Variants in KHDRBS2 observed in about 807,000 individuals in gnomAD.
KHDRBS2 encodes KH RNA binding domain containing, signal transduction associated 2, also known as KH domain-containing, RNA-binding, signal transduction-associated protein 2.
A neutral mutation model predicts 44.3 loss-of-function variants in KHDRBS2; 26 were observed. The ratio of observed to expected loss-of-function variants is 0.59; its 90% CI spans 0.43 to 0.81. The LOEUF (loss-of-function observed/expected upper bound fraction) is 0.81. Ranked by LOEUF, KHDRBS2 falls within the 40% of genes least tolerant of loss-of-function variation. The pLI is 0.00. For missense variants in KHDRBS2, 476 were observed against 433.1 expected, an observed-to-expected ratio of 1.10 and a Z score of -0.88; for synonymous variants, 194 against 151.1, an observed-to-expected ratio of 1.28 and a Z score of -2.08.
At chr6:61,952,552 T>G (rs774395045) in intron 4 of KHDRBS2, among the ~76,000 whole-genome samples, 3 of 152,074 alleles carry the variant, frequency 2.0e-5, no homozygotes, top group Non-Finnish European at 4.4e-5. Flanking sequence ...GCAATCATTT[T>G]CAATGGCCAA....
the KHDRBS2 span, among the ~76,000 whole-genome samples, chr6:61,564,574 T>A: frequency 1.3e-5 from 2 of 151,992 alleles, no homozygotes; most frequent in African/African-American, 2.4e-5. Context: ...AGCATAAATG[T>A]AAAGTTGAGG....
the KHDRBS2 span, among the ~76,000 whole-genome samples, chr6:61,563,999 T>A: frequency 6.6e-6 from 1 of 152,104 alleles, no homozygotes; most frequent in Non-Finnish European, 1.5e-5. Context: ...TTAGTTTTCA[T>A]GTAATACTCA....
chr6:61,966,536 TCTC>T (rs760427506), intron 4 of KHDRBS2, among the ~76,000 whole-genome samples: 6 of 151,936 alleles, frequency 3.9e-5, no homozygotes, highest in Non-Finnish European at 8.8e-5. Context: ...AGAGGTTTCT[TCTC>T]ATTTTGAAAG....
At chr6:62,171,355 T>C (rs1377848539) in intron 2 of KHDRBS2, among the ~76,000 whole-genome samples, 3 of 151,742 alleles carry the variant, frequency 2.0e-5, no homozygotes, top group East Asian at 1.9e-4. Flanking sequence ...ACACTGGTTG[T>C]CCAAATCCAC....
At chr6:61,945,108 AAAAAGT>A (rs1812984950) in intron 4 of KHDRBS2, among the ~76,000 whole-genome samples, 3 of 54,994 alleles carry the variant, frequency 5.5e-5, no homozygotes, top group Non-Finnish European at 9.1e-5. Context: ...AAAAAAAAAA[AAAAAGT>A]ATATATATAT....
chr6:61,650,671 T>G, the KHDRBS2 span, among the ~76,000 whole-genome samples: 5 of 152,042 alleles, frequency 3.3e-5, no homozygotes, highest in Middle Eastern at 0.014. Context: ...AGCCCTTGAA[T>G]GAACACATTT....
At chr6:61,810,423 C>T (rs1787935413) in intron 6 of KHDRBS2, among the ~76,000 whole-genome samples, 1 of 152,068 alleles carries the variant, frequency 6.6e-6, no homozygotes, top group Admixed American at 6.6e-5. Flanking sequence ...CTTCCTACAC[C>T]TCTTCTCAAC....
chr6:62,226,850 T>C (rs1311107589), intron 1 of KHDRBS2, among the ~76,000 whole-genome samples: 2 of 152,286 alleles, frequency 1.3e-5, no homozygotes, highest in Non-Finnish European at 2.9e-5. Context: ...GTGGTGTTAC[T>C]TTTAAGGTAT....
chr6:62,138,338 C>CTATT (rs1584912883), intron 2 of KHDRBS2, among the ~76,000 whole-genome samples: 1 of 152,312 alleles, frequency 6.6e-6, no homozygotes, highest in East Asian at 1.9e-4. Context: ...TTTGAAGATG[C>CTATT]AGTGCCACTT....
At chr6:61,845,539 G>A (rs1181541970) in intron 6 of KHDRBS2, among the ~76,000 whole-genome samples, 1 of 152,118 alleles carries the variant, frequency 6.6e-6, no homozygotes, top group African/African-American at 2.4e-5. Flanking sequence ...TCGATCTCTT[G>A]ACCTTGTGTC....
intron 2 of KHDRBS2, among the ~76,000 whole-genome samples, chr6:62,080,240 C>A (rs1450344660): frequency 6.6e-6 from 1 of 151,916 alleles, no homozygotes; most frequent in Non-Finnish European, 1.5e-5. Context: ...GCCAAAGCAC[C>A]ACATTAAATG....
chr6:62,157,466 T>C (rs941889178), intron 2 of KHDRBS2, among the ~76,000 whole-genome samples: 1 of 152,208 alleles, frequency 6.6e-6, no homozygotes, highest in Non-Finnish European at 1.5e-5. Flanking sequence ...CTCCTTTAGT[T>C]AGCACGTGGA....
chr6:61,598,989 A>C, the KHDRBS2 span, among the ~76,000 whole-genome samples: 1 of 152,020 alleles, frequency 6.6e-6, no homozygotes, highest in South Asian at 2.1e-4. Context: ...GCTGAAGTGC[A>C]ATGGCGTGAT....
chr6:61,565,979 G>A, the KHDRBS2 span, among the ~76,000 whole-genome samples: 7 of 146,128 alleles, frequency 4.8e-5, no homozygotes, highest in Non-Finnish European at 7.5e-5. Context: ...ATCAACAGAT[G>A]TATGGGTAAA....
At chr6:61,671,216 G>A in the KHDRBS2 span, among the ~76,000 whole-genome samples, 10 of 151,620 alleles carry the variant, frequency 6.6e-5, no homozygotes, top group Admixed American at 6.6e-4. Context: ...CAAGATGATA[G>A]AAAACCTGTG....
chr6:61,659,220 A>C, the KHDRBS2 span: 2 of 151,850 alleles, frequency 1.3e-5, no homozygotes, highest in African/African-American at 4.8e-5. Flanking sequence ...CTTATTAAGC[A>C]CTCAATGCAC....
chr6:61,568,550 A>G, the KHDRBS2 span, among the ~76,000 whole-genome samples: 1 of 152,200 alleles, frequency 6.6e-6, no homozygotes, highest in South Asian at 2.1e-4. Flanking sequence ...TTTGAATGTT[A>G]CTGCAAATTC....
chr6:62,097,581 C>A (rs1264098231), intron 2 of KHDRBS2, among the ~76,000 whole-genome samples: 4 of 151,788 alleles, frequency 2.6e-5, no homozygotes, highest in Non-Finnish European at 5.9e-5. Flanking sequence ...CCATGTGTAT[C>A]TTCTTCTATG....
At chr6:61,977,079 T>A (rs1772828159) in intron 4 of KHDRBS2, among the ~76,000 whole-genome samples, 1 of 152,154 alleles carries the variant, frequency 6.6e-6, no homozygotes, top group South Asian at 2.1e-4. Context: ...TGCTTTTAAA[T>A]TCTTGAAATT....
Sources: allele counts gnomAD v4.1 joint callset (sites outside exome capture counted in the v4.1 genomes callset), GRCh38; gene constraint gnomAD v4.1.1; transcripts MANE v1.5; gene names NCBI Gene and HGNC (gene_info 2026-07-23, HGNC 2026-07-21).